The following FBXL7 variants were observed in gnomAD, a reference collection of about 807,000 sequenced individuals.
FBXL7 encodes F-box and leucine rich repeat protein 7.
Under a neutral mutation model 38.3 loss-of-function variants are expected in FBXL7, and 12 were observed. The ratio of observed to expected loss-of-function variants is 0.31; its 90% CI spans 0.20 to 0.51. The LOEUF (loss-of-function observed/expected upper bound fraction) is 0.51. FBXL7 is among the 20% of genes least tolerant of loss of function. The pLI is 0.98. For missense variants in FBXL7, 567 were observed against 676.4 expected (o/e 0.84, Z 1.79); for synonymous variants, 297 against 300.9 (o/e 0.99, Z 0.13).
At chr5:15,531,875 G>T (rs377380700) in intron 1 of FBXL7, among the ~76,000 whole-genome samples, 119 of 152,262 alleles carry the variant, frequency 7.8e-4, no homozygotes, top group African/African-American at 2.6e-3. Flanking sequence ...TCTTCTTGCT[G>T]TTCCTCTGCA....
intron 2 of FBXL7, among the ~76,000 whole-genome samples, chr5:15,915,622 C>T (rs1469768417): frequency 1.3e-5 from 2 of 152,186 alleles, no homozygotes. Context: ...CTTTCACAGA[C>T]ACAGGGCTGG....
chr5:15,628,456 G>A (rs915503619), intron 2 of FBXL7, among the ~76,000 whole-genome samples: 1 of 152,170 alleles, frequency 6.6e-6, no homozygotes, highest in Non-Finnish European at 1.5e-5. Flanking sequence ...GAAATCTTTA[G>A]TCAAGTCTAT....
intron 2 of FBXL7, among the ~76,000 whole-genome samples, chr5:15,738,603 A>G (rs952629650): frequency 6.6e-6 from 1 of 152,138 alleles, no homozygotes; most frequent in Admixed American, 6.5e-5. Flanking sequence ...TCTTCCTTGA[A>G]TTTTGTAATA....
At chr5:15,569,732 A>G (rs1413217373) in intron 1 of FBXL7, among the ~76,000 whole-genome samples, 4 of 152,180 alleles carry the variant, frequency 2.6e-5, no homozygotes, top group Non-Finnish European at 4.4e-5. Context: ...TGGGTTTGTC[A>G]TAGATAGCTC....
intron 1 of FBXL7, among the ~76,000 whole-genome samples, chr5:15,541,357 T>C (rs1737737159): frequency 6.8e-6 from 1 of 146,934 alleles, no homozygotes; most frequent in Non-Finnish European, 1.5e-5. Flanking sequence ...GTCCAAACTA[T>C]ATGTATATAT....
chr5:15,646,387 A>G (rs548657963), intron 2 of FBXL7, among the ~76,000 whole-genome samples: 36 of 152,292 alleles, frequency 2.4e-4, no homozygotes, highest in South Asian at 6.2e-4. Context: ...TAAGTGGTCA[A>G]CTTATGAATT....
chr5:15,792,205 A>T (rs1383739152), intron 2 of FBXL7, among the ~76,000 whole-genome samples: 3 of 152,048 alleles, frequency 2.0e-5, no homozygotes, highest in African/African-American at 7.2e-5. Context: ...GTTAAAGCAA[A>T]CTCTTCTGGA....
chr5:15,914,247 G>A (rs1442928281), intron 2 of FBXL7, among the ~76,000 whole-genome samples: 3 of 151,978 alleles, frequency 2.0e-5, no homozygotes, highest in Non-Finnish European at 2.9e-5. Flanking sequence ...TTAGTCGGGC[G>A]TGGTGGCGGG....
chr5:15,635,705 GT>G (rs1741157386), intron 2 of FBXL7, among the ~76,000 whole-genome samples: 1 of 152,160 alleles, frequency 6.6e-6, no homozygotes, highest in African/African-American at 2.4e-5. Flanking sequence ...GCAGGGGACA[GT>G]TCATATAGGA....
chr5:15,632,823 C>G (rs1056464663), intron 2 of FBXL7, among the ~76,000 whole-genome samples: 1 of 151,982 alleles, frequency 6.6e-6, no homozygotes, highest in South Asian at 2.1e-4. Context: ...TGAGTACTCA[C>G]GGACATAAAG....
chr5:15,670,801 A>G (rs1742442012), intron 2 of FBXL7, among the ~76,000 whole-genome samples: 1 of 150,458 alleles, frequency 6.6e-6, no homozygotes, highest in Non-Finnish European at 1.5e-5. Flanking sequence ...ACTCCCACTC[A>G]AAAAAAATAA....
chr5:15,530,271 A>G (rs1006195191), intron 1 of FBXL7, among the ~76,000 whole-genome samples: 1 of 152,212 alleles, frequency 6.6e-6, no homozygotes, highest in African/African-American at 2.4e-5. Context: ...CAGGTGGTTT[A>G]AAAAACTGTC....
At chr5:15,556,010 T>TCTATC (rs1738223258) in intron 1 of FBXL7, among the ~76,000 whole-genome samples, 1 of 99,586 alleles carries the variant, frequency 1.0e-5, no homozygotes. Flanking sequence ...TCTATCTATC[T>TCTATC]ATCTATCATC....
At chr5:15,531,943 A>G (rs538209692) in intron 1 of FBXL7, among the ~76,000 whole-genome samples, 1 of 152,316 alleles carries the variant, frequency 6.6e-6, no homozygotes, top group East Asian at 1.9e-4. Flanking sequence ...GTGTGTGATC[A>G]TTGATTAATT....
At chr5:15,751,592 C>A (rs766282968) in intron 2 of FBXL7, among the ~76,000 whole-genome samples, 9 of 152,194 alleles carry the variant, frequency 5.9e-5, no homozygotes, top group Admixed American at 1.3e-4. Context: ...ACAACTTACA[C>A]ACAAATAGAA....
intron 2 of FBXL7, among the ~76,000 whole-genome samples, chr5:15,620,433 A>G (rs1740598079): frequency 6.9e-6 from 1 of 145,864 alleles, no homozygotes; most frequent in Non-Finnish European, 1.5e-5. Flanking sequence ...TTTTTTAAGT[A>G]GAAACGGGGT....
chr5:15,871,352 C>A (rs1374271443), intron 2 of FBXL7, among the ~76,000 whole-genome samples: 1 of 152,144 alleles, frequency 6.6e-6, no homozygotes, highest in Non-Finnish European at 1.5e-5. Flanking sequence ...GAAAAACCAG[C>A]ACAAAAAGGC....
intron 2 of FBXL7, among the ~76,000 whole-genome samples, chr5:15,913,244 T>TC (rs1200071511): frequency 6.9e-6 from 1 of 144,462 alleles, no homozygotes; most frequent in Non-Finnish European, 1.5e-5. Context: ...TATTTTCTTT[T>TC]TTTTTTTAAT....
At chr5:15,792,678 C>A (rs954741523) in intron 2 of FBXL7, among the ~76,000 whole-genome samples, 1 of 152,072 alleles carries the variant, frequency 6.6e-6, no homozygotes, top group Non-Finnish European at 1.5e-5. Context: ...ACTCAAGGAC[C>A]CTGCTTTGTT....
Sources: gnomAD v4.1 joint callset for allele counts (sites outside exome capture counted in the v4.1 genomes callset) on GRCh38, gnomAD v4.1.1 for gene constraint, MANE v1.5 for transcripts, NCBI Gene and HGNC (gene_info 2026-07-23, HGNC 2026-07-21) for gene names.